The following NSG1 variants were observed in gnomAD, a reference collection of about 807,000 sequenced individuals.
The protein encoded by NSG1 is neuronal vesicle trafficking associated 1.
A neutral mutation model predicts 19.3 loss-of-function variants in NSG1; 9 were observed. That is an observed-to-expected ratio of 0.47 (90% CI 0.28 to 0.81). NSG1 has a LOEUF of 0.81. Among genes scored for constraint, NSG1 ranks in the 40% least tolerant of loss-of-function variants. The pLI, the probability that NSG1 is intolerant of heterozygous loss-of-function variation, is 0.11. For missense variants in NSG1, 236 were observed against 242.4 expected, an observed-to-expected ratio of 0.97 and a Z score of 0.18; for synonymous variants, 104 against 107.0, an observed-to-expected ratio of 0.97 and a Z score of 0.17.
At chr4:4,403,025 G>T (rs528771300) in intron 3 of NSG1, among the ~76,000 whole-genome samples, 2 of 152,346 alleles carry the variant, frequency 1.3e-5, no homozygotes, top group African/African-American at 2.4e-5. Flanking sequence ...GTTATTCTGG[G>T]TCGGCTCCAG....
chr4:4,413,641 C>G (rs1235388992), intron 4 of NSG1, among the ~76,000 whole-genome samples: 1 of 151,498 alleles, frequency 6.6e-6, no homozygotes, highest in Non-Finnish European at 1.5e-5. Flanking sequence ...GCCACAGGCA[C>G]AGGGAGGCGG....
At chr4:4,406,547 T>C (rs1016372773) in intron 3 of NSG1, among the ~76,000 whole-genome samples, 1 of 152,096 alleles carries the variant, frequency 6.6e-6, no homozygotes, top group African/African-American at 2.4e-5. Flanking sequence ...CGGGTGAACA[T>C]GCGACGGGGC....
intron 2 of NSG1, 26 bp from the exon 3 acceptor site, chr4:4,391,449 T>C: frequency 1.3e-6 from 2 of 1,546,742 alleles, no homozygotes; most frequent in Non-Finnish European, 1.8e-6. Flanking sequence ...TGCATCTGAC[T>C]TTTGTTTCTC....
At chr4:4,403,115 C>T (rs937934901) in intron 3 of NSG1, among the ~76,000 whole-genome samples, 1 of 151,164 alleles carries the variant, frequency 6.6e-6, no homozygotes, top group African/African-American at 2.4e-5. Flanking sequence ...CTCACTCACT[C>T]GCTGAACGTG....
chr4:4,408,165 G>A (rs1723968489), intron 3 of NSG1, among the ~76,000 whole-genome samples: 1 of 152,148 alleles, frequency 6.6e-6, no homozygotes, highest in Non-Finnish European at 1.5e-5. Flanking sequence ...CTCTGCTGGA[G>A]GGTCTACCCA....
intron 1 of NSG1, 22 bp downstream of exon 1, chr4:4,387,195 T>C: frequency 6.4e-6 from 1 of 156,586 alleles, no homozygotes; most frequent in Non-Finnish European, 1.4e-5. Flanking sequence ...CGGCCGCGCC[T>C]GGGCTTGCCG....
intron 4 of NSG1, among the ~76,000 whole-genome samples, chr4:4,410,057 C>T (rs1339267439): frequency 7.9e-5 from 12 of 152,166 alleles, no homozygotes; most frequent in African/African-American, 2.7e-4. Flanking sequence ...GGGACCATGT[C>T]CGCCACATGA....
chr4:4,401,733 G>C (rs774115343), intron 3 of NSG1, among the ~76,000 whole-genome samples: 22 of 152,180 alleles, frequency 1.4e-4, no homozygotes, highest in Non-Finnish European at 2.5e-4. Context: ...CAGTAAGAAG[G>C]AAGAAGGCAG....
intron 3 of NSG1, among the ~76,000 whole-genome samples, chr4:4,404,533 G>A (rs149344595): frequency 1.3e-5 from 2 of 152,208 alleles, no homozygotes; most frequent in African/African-American, 4.8e-5. Context: ...TGGCTAGTTC[G>A]TCCATCAAGT....
chr4:4,408,073 T>TTGTGATAGGAC (rs755262670), intron 3 of NSG1, among the ~76,000 whole-genome samples: 1 of 152,090 alleles, frequency 6.6e-6, no homozygotes, highest in Non-Finnish European at 1.5e-5. Flanking sequence ...TGGTCTCCTA[T>TTGTGATAGGAC]CACAGATGGG....
chr4:4,393,836 C>T (rs991852902), intron 3 of NSG1, among the ~76,000 whole-genome samples: 2 of 152,154 alleles, frequency 1.3e-5, no homozygotes, highest in African/African-American at 4.8e-5. Context: ...ACGCCTGCTG[C>T]TTCCCAGACC....
chr4:4,416,999 A>G (rs551911103), intron 4 of NSG1, among the ~76,000 whole-genome samples: 2 of 152,284 alleles, frequency 1.3e-5, no homozygotes, highest in Admixed American at 1.3e-4. Flanking sequence ...GCACCCTTGG[A>G]GCCCAAGTGC....
rs375219811 is a variant in NSG1, at chr4:4,387,736, T to C, written c.107T>C (p.Leu36Pro). The C allele has an allele frequency of 6.2e-6, 10 of 1,611,928 alleles. No homozygotes were observed. Among genetic ancestry groups the C allele is most frequent in the Admixed American group, 3.3e-5 (2 of 59,974 alleles). Residue 36 changes from leucine to proline, a missense_variant, in exon 2 of 5, where the codon CTG becomes CCG. Transcript: ENST00000621129. ...PLMTPLDVNQ[L>P]QFPPPDKVVV... The stretch of plus-strand genomic sequence containing the variant: ...ATGACGCCCCTCGATGTCAATCAGC[T>C]GCAGTTCCCGCCCCCGGATAAGGTA...
At chr4:4,390,697 A>G (rs986070968) in intron 2 of NSG1, among the ~76,000 whole-genome samples, 27 of 152,300 alleles carry the variant, frequency 1.8e-4, no homozygotes, top group African/African-American at 6.3e-4. Flanking sequence ...GTCCAGTGGG[A>G]CAGAGAAGTA....
At chr4:4,391,671 A>G (rs772689021) in intron 3 of NSG1, 80 bp downstream of exon 3, 127 of 938,032 alleles carry the variant, frequency 1.4e-4, no homozygotes, top group Non-Finnish European at 2.0e-4. Context: ...CCCTGCAGGG[A>G]GGGCCAGGGT....
At position 4,415,879 on chromosome 4, in the gene NSG1, A is replaced by G. The variant is rs556164891; in HGVS notation, c.358-1356A>G. 2.3e-3 allele frequency: 1,252 copies of G among 542,950 alleles called. 12 individuals carry two copies. The highest frequency in any genetic ancestry group is 0.014 in the East Asian group (456 of 31,464). 33.6% of individuals were successfully genotyped at this position (542,950 alleles called of 1,614,324 possible). On this transcript the variant is annotated intron_variant, in intron 4 of 4. Transcript: ENST00000621129. ...GGGCGTGGCGGTGAGGCTGGAGGGG[A>G]GTTTGTCTGGCCTGCAGAGCCTCCT...
At chr4:4,389,932 T>C (rs1174237667) in intron 2 of NSG1, among the ~76,000 whole-genome samples, 1 of 152,166 alleles carries the variant, frequency 6.6e-6, no homozygotes, top group Admixed American at 6.5e-5. Context: ...GTCACTACCA[T>C]GTTACCCCCA....
In NSG1 at chr4:4,408,014, T is replaced by G. The variant is rs116931647; in HGVS notation, c.247-1559T>G. Among the ~76,000 whole-genome samples, 311 of 152,200 alleles carry G rather than the reference T, an allele frequency of 2.0e-3. 4 individuals carry two copies. The highest frequency in any genetic ancestry group is 9.9e-3 in the Admixed American group (152 of 15,290). ...CATGCTGCACGGCTGATAGGACACT[T>G]TCTCACGTACATCTCCTGCTTCCCC... On this transcript the variant is annotated intron_variant, in intron 3 of 4. Transcript: ENST00000621129.
intron 3 of NSG1, 84 bp downstream of exon 3, chr4:4,391,675 C>T: frequency 1.1e-6 from 1 of 899,694 alleles, no homozygotes; most frequent in Non-Finnish European, 1.7e-6. Context: ...GCAGGGAGGG[C>T]CAGGGTTTGA....
Sources: allele counts gnomAD v4.1 joint callset (sites outside exome capture counted in the v4.1 genomes callset), GRCh38; gene constraint gnomAD v4.1.1; transcripts MANE v1.5; gene names NCBI Gene and HGNC (gene_info 2026-07-23, HGNC 2026-07-21).